CHRM2: variants seen among roughly 807,000 people sequenced by gnomAD.
CHRM2 encodes muscarinic acetylcholine receptor M2.
A neutral mutation model predicts 25.0 loss-of-function variants in CHRM2; 8 were observed. The ratio of observed to expected loss-of-function variants is 0.32; its 90% CI spans 0.19 to 0.58. CHRM2 has a LOEUF of 0.58. Among genes scored for constraint, CHRM2 ranks in the 20% least tolerant of loss-of-function variants. The pLI is 0.88. For synonymous variants in CHRM2, 202 were observed against 205.7 expected (o/e 0.98, Z 0.15); for missense variants, 440 against 567.1 (o/e 0.78, Z 2.28).
chr7:136,984,372 G>T (rs1162545124), intron 2 of CHRM2, among the ~76,000 whole-genome samples: 3 of 152,118 alleles, frequency 2.0e-5, no homozygotes, highest in Non-Finnish European at 4.4e-5. Flanking sequence ...TTAGCTTGCT[G>T]GGCTCCGTGG....
chr7:136,915,763 C>T lies in CHRM2; in HGVS notation c.-125+46345C>T, dbSNP rs150384787. Among the ~76,000 whole-genome samples the T allele has an allele frequency of 3.6e-4, 55 of 151,814 alleles. No homozygotes were observed. In the East Asian group the frequency reaches 0.011, roughly 30 times the overall value. On this transcript the variant is annotated intron_variant, in intron 2 of 3. Coordinates refer to ENST00000680005, the MANE Select transcript of CHRM2 (RefSeq NM_001006630.2). ...CTTGTCCACACTGCCAATGCGCCAA[C>T]CTCAGTGAATTCAGTATATAATGAC...
intron 2 of CHRM2, among the ~76,000 whole-genome samples, chr7:136,921,790 C>CTTTTTTTTTTTTTTTTTTTTTTTTT (rs201063228): frequency 1.1e-4 from 12 of 114,072 alleles, no homozygotes; most frequent in Admixed American, 1.8e-4. Context: ...TTCTTTCTTT[C>CTTTTTTTTTTTTTTTTTTTTTTTTT]TTTCTTTTTT....
intron 3 of CHRM2, among the ~76,000 whole-genome samples, chr7:136,998,792 C>CATAAAA (rs1803781101): frequency 6.6e-6 from 1 of 151,566 alleles, no homozygotes; most frequent in African/African-American, 2.4e-5. Context: ...CATCATCTTG[C>CATAAAA]AAATTTTTTT....
At chr7:136,903,388 G>A in intron 2 of CHRM2, 1 of 362,070 alleles carries the variant, frequency 2.8e-6, no homozygotes. Flanking sequence ...TTTCAAAAAT[G>A]GGAACAAAAT....
chr7:136,955,704 T>G (rs1470109811), intron 2 of CHRM2, among the ~76,000 whole-genome samples: 1 of 152,230 alleles, frequency 6.6e-6, no homozygotes, highest in Non-Finnish European at 1.5e-5. Context: ...TTGCAGAATT[T>G]TGGAATAACT....
chr7:136,973,579 AGGGATGGTGGTAGGTGATGACGGTGATG>A, intron 2 of CHRM2, among the ~76,000 whole-genome samples: 1 of 75,688 alleles, frequency 1.3e-5, no homozygotes, highest in Non-Finnish European at 2.9e-5. Context: ...TGACGGTGTT[AGGGATGGTGGTAGGTGATGACGGTGATG>A]GTGTTAGGGA....
chr7:136,990,848 G>A (rs1306049696), intron 2 of CHRM2, among the ~76,000 whole-genome samples: 1 of 152,130 alleles, frequency 6.6e-6, no homozygotes, highest in African/African-American at 2.4e-5. Flanking sequence ...AGCAGTAGAT[G>A]AATGTTTCTC....
At chr7:137,003,683 C>A (rs1424673178) in intron 3 of CHRM2, among the ~76,000 whole-genome samples, 1 of 152,024 alleles carries the variant, frequency 6.6e-6, no homozygotes, top group Non-Finnish European at 1.5e-5. Context: ...TACTCCTAAC[C>A]CAGCAGACAA....
chr7:137,012,823 TTTC>T (rs1804910507), intron 3 of CHRM2, among the ~76,000 whole-genome samples: 1 of 151,968 alleles, frequency 6.6e-6, no homozygotes, highest in Non-Finnish European at 1.5e-5. Context: ...GAGACAAGTG[TTTC>T]TTAATACATT....
At chr7:137,006,375 C>A (rs1354164978) in intron 3 of CHRM2, among the ~76,000 whole-genome samples, 2 of 152,044 alleles carry the variant, frequency 1.3e-5, no homozygotes, top group African/African-American at 4.8e-5. Context: ...CCCCTTATGA[C>A]ACTGTTTTTG....
chr7:136,997,308 A>G (rs190495810), intron 3 of CHRM2, among the ~76,000 whole-genome samples: 10 of 152,320 alleles, frequency 6.6e-5, no homozygotes, highest in African/African-American at 2.4e-4. Context: ...AGTCTTTGAC[A>G]ATGGAAAATA....
At position 137,000,547 on chromosome 7, in the gene CHRM2, A is replaced by AGAAGGAAGGAAGGAAGGAAGGAAGGAAG. The variant is rs780148176; in HGVS notation, c.-47+8301_-47+8328dup. 1.7e-3 allele frequency among the ~76,000 whole-genome samples: 166 copies of AGAAGGAAGGAAGGAAGGAAGGAAGGAAG among 95,206 alleles called. 2 individuals are homozygous for AGAAGGAAGGAAGGAAGGAAGGAAGGAAG. Among genetic ancestry groups the AGAAGGAAGGAAGGAAGGAAGGAAGGAAG allele is most frequent in the African/African-American group, 3.8e-3 (105 of 27,656 alleles). The allele number at this position is 95,206 out of a possible 152,430, so 62.5% of individuals were successfully genotyped here. On this transcript the variant is annotated intron_variant, in intron 3 of 3. Transcript: ENST00000680005. ...AAAAAGAAAGAAAGAAAAGAAAGAA[A>AGAAGGAAGGAAGGAAGGAAGGAAGGAAG]GAAGGAAGGAAGGAAGGAAGGAAGG...
chr7:136,918,898 G>A (rs1406547459), intron 2 of CHRM2, among the ~76,000 whole-genome samples: 1 of 152,100 alleles, frequency 6.6e-6, no homozygotes, highest in East Asian at 1.9e-4. Context: ...GAAGTATAAA[G>A]ATGAGAAAAT....
Position 137,018,392 on chromosome 7 carries a change from T to G in CHRM2, c.*2126T>G, listed in dbSNP as rs1805285259. 6.6e-6 allele frequency: 1 copy of G among 151,956 alleles called. No homozygotes were observed. The highest frequency in any genetic ancestry group is 2.1e-4 in the South Asian group (1 of 4,828). 9.4% of individuals were successfully genotyped at this position (151,956 alleles called of 1,614,324 possible). On this transcript the variant is annotated 3_prime_UTR_variant, in exon 4 of 4. Transcript: ENST00000680005. ...TACCTACAGTTACTTCAACATGCAC[T>G]TTTACATTTTAAATTCATATTTATT...
chr7:136,987,561 G>A (rs942518673), intron 2 of CHRM2, among the ~76,000 whole-genome samples: 3 of 152,202 alleles, frequency 2.0e-5, no homozygotes, highest in Admixed American at 1.3e-4. Context: ...GGTCCTCACA[G>A]TTGCAGATAC....
At chr7:136,899,741 A>G (rs1797098089) in intron 2 of CHRM2, 1 of 152,098 alleles carries the variant, frequency 6.6e-6, no homozygotes. Flanking sequence ...AAAATATAGG[A>G]TGTAGTAATC....
chr7:137,001,628 T>G (rs1563118985), intron 3 of CHRM2, among the ~76,000 whole-genome samples: 1 of 152,114 alleles, frequency 6.6e-6, no homozygotes. Context: ...GATTTGGCCG[T>G]GGCACACTGG....
chr7:136,920,142 T>C (rs1214089803), intron 2 of CHRM2, among the ~76,000 whole-genome samples: 1 of 151,984 alleles, frequency 6.6e-6, no homozygotes, highest in East Asian at 1.9e-4. Flanking sequence ...GCTATTCTGA[T>C]AGCTGTGCAT....
chr7:136,993,418 AG>A (rs1323333267), intron 3 of CHRM2, among the ~76,000 whole-genome samples: 1 of 152,206 alleles, frequency 6.6e-6, no homozygotes, highest in Non-Finnish European at 1.5e-5. Flanking sequence ...CACCTTTGAC[AG>A]TGGGCCAATT....
Sources: allele counts gnomAD v4.1 joint callset (sites outside exome capture counted in the v4.1 genomes callset), GRCh38; gene constraint gnomAD v4.1.1; transcripts MANE v1.5; gene names NCBI Gene and HGNC (gene_info 2026-07-23, HGNC 2026-07-21).